SEPTIN14: variants seen among roughly 807,000 people sequenced by gnomAD.
SEPTIN14 encodes septin-14.
Under a neutral mutation model 53.6 loss-of-function variants are expected in SEPTIN14, and 40 were observed. The observed-to-expected ratio is 0.75, with a 90% CI of 0.58 to 0.97. The LOEUF is 0.97. Among genes scored for constraint, SEPTIN14 ranks in the 50% least tolerant of loss-of-function variants. The pLI is 0.00. For synonymous variants in SEPTIN14, 138 were observed against 166.8 expected, an observed-to-expected ratio of 0.83 and a Z score of 1.33; for missense variants, 471 against 508.2, an observed-to-expected ratio of 0.93 and a Z score of 0.70.
intron 2 of SEPTIN14, among the ~76,000 whole-genome samples, chr7:55,857,517 G>GGGAAA (rs1200645932): frequency 6.3e-5 from 7 of 111,074 alleles, no homozygotes; most frequent in Non-Finnish European, 1.1e-4. Context: ...GGGAAGGGAA[G>GGGAAA]GGAAAGGAAA....
At chr7:55,856,129 A>AT (rs1204549458) in intron 2 of SEPTIN14, among the ~76,000 whole-genome samples, 1 of 151,566 alleles carries the variant, frequency 6.6e-6, no homozygotes, top group East Asian at 1.9e-4. Context: ...CAATAGGTAG[A>AT]TTTTCTGCCC....
intron 7 of SEPTIN14, among the ~76,000 whole-genome samples, chr7:55,813,536 C>G (rs1389337159): frequency 6.6e-6 from 1 of 152,082 alleles, no homozygotes. Flanking sequence ...GCAGTGCAGC[C>G]CGAAAAGAGA....
At chr7:55,806,805 C>T (rs1788617042) in intron 8 of SEPTIN14, among the ~76,000 whole-genome samples, 1 of 152,182 alleles carries the variant, frequency 6.6e-6, no homozygotes, top group East Asian at 1.9e-4. Flanking sequence ...CATATAAATA[C>T]AAAAAATGGA....
intron 9 of SEPTIN14, among the ~76,000 whole-genome samples, chr7:55,804,552 C>G (rs1421921715): frequency 2.0e-5 from 3 of 152,118 alleles, no homozygotes; most frequent in Non-Finnish European, 4.4e-5. Context: ...AGCCACCGCA[C>G]CCGGCTGGAA....
intron 7 of SEPTIN14, among the ~76,000 whole-genome samples, chr7:55,818,511 A>G (rs1171829917): frequency 6.6e-6 from 1 of 151,448 alleles, no homozygotes; most frequent in Non-Finnish European, 1.5e-5. Context: ...GGAAACCAGT[A>G]CAAGTAGAAA....
intron 6 of SEPTIN14, among the ~76,000 whole-genome samples, chr7:55,821,438 T>C (rs1788894847): frequency 6.6e-6 from 1 of 152,118 alleles, no homozygotes. Context: ...AAACAGGCCA[T>C]GAAATGGAGA....
chr7:55,798,646 G>T, intron 9 of SEPTIN14: 1 of 336,864 alleles, frequency 3.0e-6, no homozygotes, highest in Non-Finnish European at 5.8e-6. Context: ...ATGATCTTCA[G>T]CAAGCGGCAC....
At position 55,844,719 on chromosome 7, in the gene SEPTIN14, C is replaced by T. The variant is rs1272202182; in HGVS notation, c.176-1G>A. On this transcript the variant is annotated splice_acceptor_variant, in intron 3 of 9. Coordinates refer to ENST00000388975, the MANE Select transcript of SEPTIN14 (RefSeq NM_207366.3). LOFTEE classifies it high-confidence loss of function. ...GTCGATTTTCCAATTCCAGTCTCCCCTGTAATAGACATAGAGTCATTGTCA... is the reference window on the plus strand; with the variant it reads ...GTCGATTTTCCAATTCCAGTCTCCCTTGTAATAGACATAGAGTCATTGTCA... 1.3e-6 allele frequency: 2 copies of T among 1,539,802 alleles called. No individual in the cohort carries two copies. The highest frequency in any genetic ancestry group is 1.8e-6 in the Non-Finnish European group (2 of 1,126,106).
intron 5 of SEPTIN14, among the ~76,000 whole-genome samples, chr7:55,841,510 A>G (rs1347581247): frequency 6.6e-6 from 1 of 151,814 alleles, no homozygotes; most frequent in Non-Finnish European, 1.5e-5. Context: ...ACTCGAGGTC[A>G]GGAGTTCAAG....
intron 2 of SEPTIN14, among the ~76,000 whole-genome samples, chr7:55,858,415 G>A (rs1273498017): frequency 6.6e-6 from 1 of 152,190 alleles, no homozygotes; most frequent in African/African-American, 2.4e-5. Flanking sequence ...AGCACAAAAG[G>A]AAGACTTAAG....
At chr7:55,829,820 C>CAAAAAAAA (rs35998043) in intron 6 of SEPTIN14, among the ~76,000 whole-genome samples, 10 of 37,616 alleles carry the variant, frequency 2.7e-4, no homozygotes, top group Admixed American at 4.8e-4. Flanking sequence ...GACTCCATCT[C>CAAAAAAAA]AAAAAAAAAA....
rs187903389 is a variant in SEPTIN14, at chr7:55,841,199, G to A, written c.558+1743C>T. ...GACGGGATTACAGGCGTGAGCCTCCGCACCTGGCTATTTAGAGATCTATTT... is the reference window on the plus strand; with the variant it reads ...GACGGGATTACAGGCGTGAGCCTCCACACCTGGCTATTTAGAGATCTATTT... On this transcript the variant is annotated intron_variant, in intron 5 of 9. Transcript: ENST00000388975. 2.8e-3 allele frequency among the ~76,000 whole-genome samples: 431 copies of A among 152,080 alleles called. 9 individuals are homozygous for A. In the South Asian group the frequency reaches 0.037, roughly 13 times the overall value.
At chr7:55,800,449 C>T (rs1428627649) in intron 9 of SEPTIN14, among the ~76,000 whole-genome samples, 1 of 152,142 alleles carries the variant, frequency 6.6e-6, no homozygotes, top group African/African-American at 2.4e-5. Flanking sequence ...CATGGTAAAA[C>T]TCCATCTCTA....
rs1210521493 is a variant in SEPTIN14, at chr7:55,853,737, A to G, written c.55-7100T>C. 2.0e-5 allele frequency among the ~76,000 whole-genome samples: 3 copies of G among 152,348 alleles called. No individual in the cohort carries two copies. In the East Asian group the frequency reaches 5.8e-4, roughly 29 times the overall value. ...GGTAGTGGATACTCCATTTATCCTG[A>G]TATGATTATTACACATTGTGCGCCT... On this transcript the variant is annotated intron_variant, in intron 2 of 9. Transcript: ENST00000388975.
chr7:55,855,157 C>T (rs1044746684), intron 2 of SEPTIN14, among the ~76,000 whole-genome samples: 2 of 152,032 alleles, frequency 1.3e-5, no homozygotes, highest in Non-Finnish European at 2.9e-5. Flanking sequence ...TACAGGCGCC[C>T]GCCACCGTGC....
chr7:55,828,207 A>G (rs1387162407), intron 6 of SEPTIN14, among the ~76,000 whole-genome samples: 2 of 152,102 alleles, frequency 1.3e-5, no homozygotes, highest in Non-Finnish European at 2.9e-5. Context: ...AGAACAATGC[A>G]GAATGTGAAT....
chr7:55,853,063 A>G (rs1197047387), intron 2 of SEPTIN14, among the ~76,000 whole-genome samples: 1 of 152,244 alleles, frequency 6.6e-6, no homozygotes, highest in Non-Finnish European at 1.5e-5. Flanking sequence ...AATGTGGAAA[A>G]AAAGAGAACC....
Position 55,834,552 on chromosome 7 carries a change from G to A in SEPTIN14, c.593C>T (p.Thr198Ile), listed in dbSNP as rs754606217. 3 of 1,610,682 alleles carry A rather than the reference G, an allele frequency of 1.9e-6. No homozygotes were observed. The highest frequency in any genetic ancestry group is 1.7e-5 in the Admixed American group (1 of 59,814). ...NIIPLIAKAD[T>I]ISKNDLQTFK... Reference sequence around the variant, plus strand: ...CGTCTGTAAATCATTTTTAGAAATAGTGTCTGCTTTGGCAATCAGTGGTAT... The same window carrying A: ...CGTCTGTAAATCATTTTTAGAAATAATGTCTGCTTTGGCAATCAGTGGTAT... Residue 198 changes from threonine (T) to isoleucine (I), a missense_variant, in exon 6 of 10, where the codon ACT becomes ATT. Transcript: ENST00000388975.
chr7:55,857,332 A>C (rs540296020), intron 2 of SEPTIN14, among the ~76,000 whole-genome samples: 93 of 151,430 alleles, frequency 6.1e-4, no homozygotes, highest in African/African-American at 2.1e-3. Context: ...AGATTGAGCC[A>C]TTGAACTCCA....
Sources: allele counts gnomAD v4.1 joint callset (sites outside exome capture counted in the v4.1 genomes callset), GRCh38; gene constraint gnomAD v4.1.1; transcripts MANE v1.5; gene names NCBI Gene and HGNC (gene_info 2026-07-23, HGNC 2026-07-21).